The following NUCB2 variants were observed in gnomAD, a reference collection of about 807,000 sequenced individuals.
NUCB2 encodes nucleobindin-2.
In NUCB2, 48 loss-of-function variants were observed where a neutral mutation model predicts 57.9. That is an observed-to-expected ratio of 0.83 (90% CI 0.66 to 1.05). The LOEUF is 1.05. Among genes scored for constraint, NUCB2 ranks in the 50% least tolerant of loss-of-function variants. NUCB2 has a pLI of 0.00. For synonymous variants in NUCB2, 139 were observed against 152.1 expected, an observed-to-expected ratio of 0.91 and a Z score of 0.64; for missense variants, 442 against 476.2, an observed-to-expected ratio of 0.93 and a Z score of 0.67.
intron 10 of NUCB2, among the ~76,000 whole-genome samples, chr11:17,314,113 T>C (rs1195213978): frequency 6.6e-6 from 1 of 152,118 alleles, no homozygotes; most frequent in East Asian, 1.9e-4. Flanking sequence ...GGCTAAGTCA[T>C]CCTTAACTTC....
At chr11:17,341,749 T>A (rs568669822) in intron 2 of NUCB2, among the ~76,000 whole-genome samples, 1 of 152,306 alleles carries the variant, frequency 6.6e-6, no homozygotes, top group African/African-American at 2.4e-5. Flanking sequence ...TGCATCGATG[T>A]TCATCAGGGA....
chr11:17,328,040 C>A (rs1178245348), intron 11 of NUCB2, among the ~76,000 whole-genome samples: 1 of 152,156 alleles, frequency 6.6e-6, no homozygotes, highest in East Asian at 1.9e-4. Flanking sequence ...CTGTAATCTT[C>A]ACACTCTGGG....
chr11:17,325,893 A>C (rs1312064420), intron 11 of NUCB2, among the ~76,000 whole-genome samples: 1 of 152,188 alleles, frequency 6.6e-6, no homozygotes, highest in East Asian at 1.9e-4. Flanking sequence ...ATAACCCATT[A>C]TTTTAAATTG....
At chr11:17,311,538 C>T (rs965160104) in intron 8 of NUCB2, among the ~76,000 whole-genome samples, 7 of 152,090 alleles carry the variant, frequency 4.6e-5, no homozygotes, top group African/African-American at 1.7e-4. Flanking sequence ...TAAGTGAAAA[C>T]TAAACTGTGA....
chr11:17,288,975 T>TTTA (rs1944467142), intron 2 of NUCB2, among the ~76,000 whole-genome samples: 1 of 138,762 alleles, frequency 7.2e-6, no homozygotes, highest in South Asian at 2.3e-4. Context: ...TTTTTTTTTT[T>TTTA]GAGATGGAGT....
At chr11:17,287,446 C>CAGAT (rs565349953) in intron 2 of NUCB2, among the ~76,000 whole-genome samples, 335 of 151,174 alleles carry the variant, frequency 2.2e-3, no homozygotes, top group African/African-American at 7.8e-3. Flanking sequence ...CTGAGGTGGG[C>CAGAT]AGATTGGTTG....
At chr11:17,314,410 A>G (rs889013065) in intron 10 of NUCB2, among the ~76,000 whole-genome samples, 1 of 151,872 alleles carries the variant, frequency 6.6e-6, no homozygotes, top group African/African-American at 2.4e-5. Context: ...AATCCCTCCT[A>G]TTTCCAAAAG....
chr11:17,310,402 C>T (rs964220906), intron 6 of NUCB2, among the ~76,000 whole-genome samples: 2 of 152,026 alleles, frequency 1.3e-5, no homozygotes, highest in African/African-American at 4.8e-5. Context: ...TTTGGGAGGC[C>T]AAGGAGGGTG....
intron 11 of NUCB2, among the ~76,000 whole-genome samples, chr11:17,328,164 T>C (rs985236328): frequency 3.3e-5 from 5 of 152,238 alleles, no homozygotes; most frequent in African/African-American, 1.2e-4. Context: ...ACCTTGGTGG[T>C]CTTGGATAAG....
At chr11:17,316,637 G>A (rs1949286838) in intron 11 of NUCB2, among the ~76,000 whole-genome samples, 1 of 151,984 alleles carries the variant, frequency 6.6e-6, no homozygotes, top group South Asian at 2.1e-4. Flanking sequence ...GTATATCTTG[G>A]CAAACTGCTC....
intron 2 of NUCB2, among the ~76,000 whole-genome samples, chr11:17,339,560 T>A (rs1228900239): frequency 7.2e-6 from 1 of 139,638 alleles, no homozygotes; most frequent in Non-Finnish European, 1.5e-5. Flanking sequence ...TGTCCATGTA[T>A]TCTCATTGTT....
rs1951303115 is a variant in NUCB2 at position 17,330,848 on chromosome 11, C to T, written c.1174-54C>T. On this transcript the variant is annotated intron_variant, in intron 12 of 13. Coordinates refer to ENST00000529010, the MANE Select transcript of NUCB2 (RefSeq NM_005013.4). The surrounding 1 kb of genome is among the most constrained non-coding windows in gnomAD (Gnocchi z 4.3). ...CTTTGTTGTGCTTTGTCAAAGGTCA[C>T]ACATATGATAGAAAATCAAGTTATA... 2.0e-6 allele frequency: 2 copies of T among 1,013,376 alleles called. No homozygotes were observed. Among genetic ancestry groups the T allele is most frequent in the East Asian group, 4.9e-5 (2 of 41,054 alleles). 62.8% of individuals were successfully genotyped at this position (1,013,376 alleles called of 1,614,324 possible). A position where few individuals can be genotyped will look rare whatever the true frequency, so the allele number is the denominator to read the frequency against.
Position 17,306,779 on chromosome 11 carries a change from G to A in NUCB2, c.380-2793G>A, listed in dbSNP as rs527910633. Among the ~76,000 whole-genome samples, 8 of 152,226 alleles carry A rather than the reference G, an allele frequency of 5.3e-5. 1 individual carries two copies. Among genetic ancestry groups the A allele is most frequent in the African/African-American group, 1.9e-4 (8 of 41,542 alleles). On this transcript the variant is annotated intron_variant, in intron 5 of 13. Transcript: ENST00000529010. ...TAAAAATACAAAAAAATAGCCAGATGTGGTGGCATGTGCTGCTAGCTACTT... is the reference window on the plus strand; with the variant it reads ...TAAAAATACAAAAAAATAGCCAGATATGGTGGCATGTGCTGCTAGCTACTT...
Position 17,330,785 on chromosome 11 carries a change from G to A in NUCB2, c.1174-117G>A, listed in dbSNP as rs1433581775. ...CACCTAGTCAAATCTAAATCTTATA[G>A]TTTGAATATCTTTGTTTTAGAAAAC... On this transcript the variant is annotated intron_variant, in intron 12 of 13. Transcript: ENST00000529010. The surrounding 1 kb of genome is among the most constrained non-coding windows in gnomAD (Gnocchi z 4.3). The A allele has an allele frequency of 1.4e-6, 1 of 735,510 alleles. No individual in the cohort carries two copies. The highest frequency in any genetic ancestry group is 2.4e-6 in the Non-Finnish European group (1 of 415,152). 45.6% of individuals were successfully genotyped at this position (735,510 alleles called of 1,614,324 possible).
At chr11:17,343,904 T>C (rs1161881152) in intron 2 of NUCB2, among the ~76,000 whole-genome samples, 60 of 152,206 alleles carry the variant, frequency 3.9e-4, no homozygotes, top group Non-Finnish European at 1.2e-4. Flanking sequence ...TTGATATGTG[T>C]GTGTATTTAT....
chr11:17,301,847 A>T lies in NUCB2; in HGVS notation c.356A>T (p.Lys119Ile), dbSNP rs1270415345. 6.2e-7 allele frequency: 1 copy of T among 1,613,672 alleles called. No individual in the cohort carries two copies. The highest frequency in any genetic ancestry group is 8.5e-7 in the Non-Finnish European group (1 of 1,179,756). The part of the protein sequence containing the change: ...QEVGRLRMLI[K>I]AKLDSLQDIG... The stretch of plus-strand genomic sequence containing the variant: ...GTAGGAAGGTTAAGAATGTTAATTA[A>T]AGCTAAGTTGGATTCCCTTCAAGGT... Residue 119 changes from lysine to isoleucine, a missense_variant, in exon 5 of 14, where the codon AAA becomes ATA. Physicochemically the swap from Lys to Ile is moderately radical, Grantham distance 102. Coordinates refer to ENST00000529010, the MANE Select transcript of NUCB2 (RefSeq NM_005013.4).
intron 1 of NUCB2, among the ~76,000 whole-genome samples, chr11:17,278,170 C>CTTTTTTT (rs35441492): frequency 2.9e-4 from 25 of 85,144 alleles, no homozygotes; most frequent in Middle Eastern, 0.013. Context: ...TTTTACCCAT[C>CTTTTTTT]TTTTTTTTTT....
intron 2 of NUCB2, among the ~76,000 whole-genome samples, chr11:17,285,170 G>A (rs1201205089): frequency 3.3e-5 from 5 of 152,104 alleles, no homozygotes; most frequent in Admixed American, 3.3e-4. Flanking sequence ...GCTCATGCCT[G>A]TAATCCCAGC....
intron 4 of NUCB2, among the ~76,000 whole-genome samples, chr11:17,300,104 C>T (rs1036632701): frequency 6.6e-6 from 1 of 151,900 alleles, no homozygotes; most frequent in East Asian, 1.9e-4. Flanking sequence ...TCCACCTTCC[C>T]GGCTGACACG....
Sources: gnomAD v4.1 joint callset for allele counts (sites outside exome capture counted in the v4.1 genomes callset) on GRCh38, gnomAD v4.1.1 for gene constraint, Gnocchi (gnomAD v3.1) non-coding constraint, MANE v1.5 for transcripts, NCBI Gene and HGNC (gene_info 2026-07-23, HGNC 2026-07-21) for gene names.